Variants in WBP1L observed in about 807,000 individuals in gnomAD.
WBP1L encodes the protein WW domain binding protein 1-like.
In WBP1L, 17 loss-of-function variants were observed where a neutral mutation model predicts 33.7. The observed-to-expected ratio is 0.50, with a 90% confidence interval of 0.34 to 0.76. The LOEUF is 0.76. WBP1L is among the 30% of genes least tolerant of loss of function. The probability of loss-of-function intolerance (pLI) is 0.01; values close to 1 mark genes in which losing one functional copy is unlikely to be tolerated. For synonymous variants in WBP1L, 173 were observed against 190.8 expected, an observed-to-expected ratio of 0.91 and a Z score of 0.77; for missense variants, 389 against 469.4, an observed-to-expected ratio of 0.83 and a Z score of 1.58.
chr10:102,772,821 C>T (rs112292832), intron 1 of WBP1L, among the ~76,000 whole-genome samples: 3,573 of 148,706 alleles, frequency 0.024, 249 homozygotes, highest in African/African-American at 0.087. Flanking sequence ...CTGCCCACCT[C>T]AGCCTCCCAA....
rs188644111 is a variant in WBP1L at position 102,798,878 on chromosome 10, C to T, written c.193+783C>T. On this transcript the variant is annotated intron_variant, in intron 2 of 3. Coordinates refer to ENST00000448841, the MANE Select transcript of WBP1L (RefSeq NM_001083913.2). ...AGTGCCTCTGTTTCTGAGGGTCCTT[C>T]GGAAAGGAACAGTCTTTCCCTAGGT... Among the ~76,000 whole-genome samples the T allele has an allele frequency of 1.4e-3, 214 of 152,322 alleles. 1 individual carries two copies. The highest frequency in any genetic ancestry group is 4.6e-3 in the African/African-American group (192 of 41,576).
chr10:102,763,994 G>A (rs750784122), intron 1 of WBP1L, among the ~76,000 whole-genome samples: 1 of 151,052 alleles, frequency 6.6e-6, no homozygotes, highest in Non-Finnish European at 1.5e-5. Context: ...TCGTATTTTT[G>A]GTAAAGACAT....
chr10:102,758,622 C>T (rs962519990), intron 1 of WBP1L, among the ~76,000 whole-genome samples: 3 of 152,082 alleles, frequency 2.0e-5, no homozygotes, highest in Non-Finnish European at 2.9e-5. Context: ...TGTGCGGAGA[C>T]GAGAGATTGT....
chr10:102,785,427 T>C (rs1843401419), intron 1 of WBP1L, among the ~76,000 whole-genome samples: 1 of 150,386 alleles, frequency 6.6e-6, no homozygotes, highest in Non-Finnish European at 1.5e-5. Context: ...GATCTCATGA[T>C]CCACCTAGCT....
chr10:102,779,104 T>G (rs1843302844), intron 1 of WBP1L, among the ~76,000 whole-genome samples: 1 of 151,932 alleles, frequency 6.6e-6, no homozygotes, highest in African/African-American at 2.4e-5. Context: ...GTATGATTAA[T>G]GCATTGTTCT....
rs368020549 is a variant in WBP1L, at chr10:102,810,024, C to T, written c.325C>T (p.His109Tyr). Residue 109 changes from histidine to tyrosine, a missense_variant, in exon 3 of 4, where the codon CAC becomes TAC. Transcript: ENST00000448841. ...EINLIAYREA[H>Y]NYSALPFYFR... ...CAACCTGATCGCTTACCGAGAAGCC[C>T]ACAATTACTCAGCGCTGCCATTTTA... is the stretch of plus-strand genomic sequence containing the variant. 78 of 1,613,550 alleles carry T rather than the reference C, an allele frequency of 4.8e-5. No homozygotes were observed. In the South Asian group the frequency reaches 5.7e-4, roughly 12 times the overall value.
At chr10:102,802,419 A>G (rs1458952054) in intron 2 of WBP1L, among the ~76,000 whole-genome samples, 1 of 150,336 alleles carries the variant, frequency 6.7e-6, no homozygotes, top group African/African-American at 2.4e-5. Context: ...ACCCATTGTT[A>G]GCAAGAGCTC....
chr10:102,754,813 T>C (rs1842956069), intron 1 of WBP1L, among the ~76,000 whole-genome samples: 1 of 152,164 alleles, frequency 6.6e-6, no homozygotes, highest in South Asian at 2.1e-4. Context: ...AAAGCGATTC[T>C]CCTGCCTCTG....
In WBP1L at chr10:102,744,003, A is replaced by AGGAGGAGGGAGGT; in HGVS notation, c.-48_-36dup. 1 of 1,312,268 alleles carries AGGAGGAGGGAGGT rather than the reference A, an allele frequency of 7.6e-7. No homozygotes were observed. Among genetic ancestry groups the AGGAGGAGGGAGGT allele is most frequent in the Non-Finnish European group, 1.1e-6 (1 of 934,482 alleles). 81.3% of individuals were successfully genotyped at this position (1,312,268 alleles called of 1,614,324 possible). A position where few individuals can be genotyped will look rare whatever the true frequency, so the allele number is the denominator to read the frequency against. ...AAGAGGGTAGAGGAGGAGAGGGAGG[A>AGGAGGAGGGAGGT]GGAGGAGGGAGGTGGCGGCGCCGTG... is the stretch of plus-strand genomic sequence containing the variant. On this transcript the variant is annotated 5_prime_UTR_variant, in exon 1 of 4. Coordinates refer to ENST00000448841, the MANE Select transcript of WBP1L (RefSeq NM_001083913.2).
At chr10:102,772,891 A>G (rs1331279910) in intron 1 of WBP1L, among the ~76,000 whole-genome samples, 1 of 149,984 alleles carries the variant, frequency 6.7e-6, no homozygotes, top group East Asian at 2.0e-4. Flanking sequence ...TTTTGACAAC[A>G]TAATCCTGCT....
chr10:102,811,542 G>T (rs190705228), intron 3 of WBP1L, among the ~76,000 whole-genome samples: 2 of 152,100 alleles, frequency 1.3e-5, no homozygotes, highest in South Asian at 4.1e-4. Flanking sequence ...ACAGAATCTC[G>T]CTCTGTCACC....
At chr10:102,802,119 C>CCTTCCTTCCTTT (rs1460881113) in intron 2 of WBP1L, among the ~76,000 whole-genome samples, 1 of 113,236 alleles carries the variant, frequency 8.8e-6, no homozygotes, top group Non-Finnish European at 1.8e-5. Context: ...CCTTCTCCTT[C>CCTTCCTTCCTTT]CTTCCTTCCT....
At chr10:102,754,336 A>G (rs757923453) in intron 1 of WBP1L, among the ~76,000 whole-genome samples, 1 of 152,182 alleles carries the variant, frequency 6.6e-6, no homozygotes, top group Non-Finnish European at 1.5e-5. Flanking sequence ...ATTTGGCACT[A>G]TGGCTGACTT....
intron 1 of WBP1L, among the ~76,000 whole-genome samples, chr10:102,756,152 C>T (rs1842973557): frequency 6.6e-6 from 1 of 151,980 alleles, no homozygotes; most frequent in African/African-American, 2.4e-5. Context: ...GTGGCTCATG[C>T]CTGTAATCCC....
intron 1 of WBP1L, among the ~76,000 whole-genome samples, chr10:102,790,284 A>G (rs1352712535): frequency 2.6e-5 from 4 of 151,744 alleles, no homozygotes; most frequent in South Asian, 2.1e-4. Flanking sequence ...CTATTTTTCT[A>G]CAAGTTTTAT....
chr10:102,764,699 T>C (rs143356402), intron 1 of WBP1L, among the ~76,000 whole-genome samples: 13 of 152,338 alleles, frequency 8.5e-5, no homozygotes, highest in African/African-American at 3.1e-4. Flanking sequence ...TAATGTTTTC[T>C]TCTGGTGTTT....
chr10:102,767,678 G>C (rs2134036037), intron 1 of WBP1L, among the ~76,000 whole-genome samples: 1 of 152,180 alleles, frequency 6.6e-6, no homozygotes, highest in Admixed American at 6.5e-5. Context: ...GTTCTCATCT[G>C]TATCTTCCTT....
chr10:102,772,113 C>G (rs1366042285), intron 1 of WBP1L, among the ~76,000 whole-genome samples: 1 of 151,454 alleles, frequency 6.6e-6, no homozygotes, highest in Non-Finnish European at 1.5e-5. Flanking sequence ...GCGCCCGCCA[C>G]CACGCTGGTT....
intron 1 of WBP1L, among the ~76,000 whole-genome samples, chr10:102,767,993 G>A (rs1174248795): frequency 6.6e-6 from 1 of 152,108 alleles, no homozygotes; most frequent in Non-Finnish European, 1.5e-5. Flanking sequence ...TTTTATTCAT[G>A]CTCTGCTCTG....
Sources: allele counts gnomAD v4.1 joint callset (sites outside exome capture counted in the v4.1 genomes callset), GRCh38; gene constraint gnomAD v4.1.1; transcripts MANE v1.5; gene names NCBI Gene and HGNC (gene_info 2026-07-23, HGNC 2026-07-21).